SBNO2: variants seen among roughly 807,000 people sequenced by gnomAD.
SBNO2 encodes protein strawberry notch homolog 2.
SBNO2 carries 89 observed loss-of-function variants against 146.3 expected under a neutral mutation model. The observed-to-expected ratio is 0.61, with a 90% confidence interval of 0.51 to 0.73. The LOEUF is 0.73. Ranked by LOEUF, SBNO2 falls within the 30% of genes least tolerant of loss-of-function variation. The pLI is 0.00. For missense variants in SBNO2, 2,092 were observed against 2,003.7 expected (o/e 1.04, Z -0.84); for synonymous variants, 1,147 against 892.6 (o/e 1.29, Z -5.08).
intron 4 of SBNO2, among the ~76,000 whole-genome samples, chr19:1,142,371 C>T (rs1198552203): frequency 6.6e-6 from 1 of 152,204 alleles, no homozygotes; most frequent in Non-Finnish European, 1.5e-5. Context: ...CCAGGCACTG[C>T]CCGGGTCCAC....
intron 1 of SBNO2, among the ~76,000 whole-genome samples, chr19:1,171,160 C>A (rs775171712): frequency 6.6e-6 from 1 of 151,832 alleles, no homozygotes; most frequent in Non-Finnish European, 1.5e-5. Flanking sequence ...AAAACACACG[C>A]GTATGAAACA....
At chr19:1,151,036 C>T (rs891874317) in intron 2 of SBNO2, among the ~76,000 whole-genome samples, 13 of 152,232 alleles carry the variant, frequency 8.5e-5, no homozygotes, top group South Asian at 2.1e-4. Flanking sequence ...TGCAGGAAGC[C>T]GGGCCACCAG....
chr19:1,108,275 C>A lies in SBNO2; in HGVS notation c.4046G>T (p.Arg1349Leu). The stretch of plus-strand genomic sequence containing the variant: ...TGGGCTGAACTGGATCACGCTCTGC[C>A]GCTCGGGACCACCGCCCGCCGCGCC... ...AGGAAGGGPE[R>L]QSVIQFSPPF... is the part of the protein sequence containing the mutation. Residue 1349 changes from arginine to leucine, a missense_variant, in exon 32 of 32, where the codon CGG becomes CTG. By Grantham distance (102) the Arg-to-Leu change is moderately radical. Transcript: ENST00000361757. The A allele has an allele frequency of 6.6e-7, 1 of 1,513,222 alleles. No individual in the cohort carries two copies. The allele number at this position is 1,513,222 out of a possible 1,614,324, so 93.7% of individuals were successfully genotyped here. A position where few individuals can be genotyped will look rare whatever the true frequency, so the allele number is the denominator to read the frequency against.
At chr19:1,146,217 C>A (rs2080188260) in intron 4 of SBNO2, among the ~76,000 whole-genome samples, 1 of 152,200 alleles carries the variant, frequency 6.6e-6, no homozygotes, top group South Asian at 2.1e-4. Flanking sequence ...GGTCCCCTCA[C>A]AGACTCTACT....
In SBNO2 at chr19:1,144,671, G is replaced by A. The variant is rs764386404; in HGVS notation, c.279+2638C>T. Among the ~76,000 whole-genome samples the A allele has an allele frequency of 6.6e-6, 1 of 151,738 alleles. No individual in the cohort carries two copies. Among genetic ancestry groups the A allele is most frequent in the Non-Finnish European group, 1.5e-5 (1 of 67,946 alleles). On this transcript the variant is annotated intron_variant, in intron 4 of 31. Transcript: ENST00000361757. The surrounding 1 kb of genome is among the most constrained non-coding windows in gnomAD (Gnocchi z 4.1). ...AGAGACAGAGGCAGAGAGGGAAACA[G>A]ACGAAGACAGAGAGGGCGACAGAGA...
intron 1 of SBNO2, among the ~76,000 whole-genome samples, chr19:1,172,198 T>C (rs1455945866): frequency 6.6e-6 from 1 of 152,180 alleles, no homozygotes; most frequent in African/African-American, 2.4e-5. Context: ...TTCCAAGTCC[T>C]TCCCTCTCCA....
At chr19:1,166,581 C>G (rs1220576874) in intron 1 of SBNO2, among the ~76,000 whole-genome samples, 1 of 151,178 alleles carries the variant, frequency 6.6e-6, no homozygotes, top group African/African-American at 2.4e-5. Context: ...AGGTGGAGAC[C>G]AGCCTGGGCA....
At chr19:1,147,741 T>C (rs1453769512) in intron 3 of SBNO2, among the ~76,000 whole-genome samples, 1 of 152,006 alleles carries the variant, frequency 6.6e-6, no homozygotes, top group Non-Finnish European at 1.5e-5. Flanking sequence ...TAAGGGTTCA[T>C]TCTGGCGATT....
At position 1,172,913 on chromosome 19, in the gene SBNO2, G is replaced by C. The variant is rs572009261; in HGVS notation, c.-127+1259C>G. On this transcript the variant is annotated intron_variant, in intron 1 of 31. Coordinates refer to ENST00000361757, the MANE Select transcript of SBNO2 (RefSeq NM_014963.3). ...CGTCCCAGCAGTCACAGGCAGGAAG[G>C]ACGTTCTGAGCAGGCGGGAACAACA... Among the ~76,000 whole-genome samples, 7 of 152,002 alleles carry C rather than the reference G, an allele frequency of 4.6e-5. No individual in the cohort carries two copies. In the East Asian group the frequency reaches 1.2e-3, roughly 25 times the overall value.
rs2079797399 is a variant in SBNO2 at position 1,113,780 on chromosome 19, T to C, written c.2078-76A>G. The C allele has an allele frequency of 1.1e-5, 15 of 1,390,540 alleles. No individual in the cohort carries two copies. The African/African-American group carries it at 1.5e-4, about 14-fold the overall frequency. 86.1% of individuals were successfully genotyped at this position (1,390,540 alleles called of 1,614,324 possible). Reference sequence around the variant, plus strand: ...GCCCACCTAACTCAAGGCTGGCCCCTGGAGGGCAAGGACAAGGGGCCCGGG... The same window carrying C: ...GCCCACCTAACTCAAGGCTGGCCCCCGGAGGGCAAGGACAAGGGGCCCGGG... On this transcript the variant is annotated intron_variant, in intron 18 of 31. Transcript: ENST00000361757.
In SBNO2 at chr19:1,114,293, T is replaced by C; in HGVS notation, c.2015A>G (p.Glu672Gly). The change falls in exon 18 of 32, where the codon GAG becomes GGG. Residue 672 changes from glutamate to glycine, a missense_variant. Physicochemically the swap from Glu to Gly is moderately conservative, Grantham distance 98. Transcript: ENST00000361757. ...GACAACGTCGTCATCCACCAGGGAC[T>C]CGGGGGAGGAGTTGAAGTCGCTGTC... Reference protein sequence around the residue: ...GLDSDFNSSPESLVDDDVVIV... With the variant: ...GLDSDFNSSPGSLVDDDVVIV... 6.4e-7 allele frequency: 1 copy of C among 1,553,156 alleles called. No individual in the cohort carries two copies. The highest frequency in any genetic ancestry group is 8.7e-7 in the Non-Finnish European group (1 of 1,148,378).
At chr19:1,117,033 G>A in intron 15 of SBNO2, 107 bp from the exon 16 acceptor site, 1 of 1,097,878 alleles carries the variant, frequency 9.1e-7, no homozygotes, top group Admixed American at 2.2e-5. Context: ...CTCTGCTGCT[G>A]TGCTCGCCTC....
intron 11 of SBNO2, 42 bp downstream of exon 11, chr19:1,122,097 C>T (rs1248176432): frequency 5.1e-6 from 7 of 1,370,768 alleles, no homozygotes; most frequent in Non-Finnish European, 6.6e-6. Context: ...CCTCCGACCC[C>T]CTAATCCAGC....
At chr19:1,174,073 G>A (rs1190030926) in intron 1 of SBNO2, 99 bp downstream of exon 1, 4 of 149,582 alleles carry the variant, frequency 2.7e-5, no homozygotes, top group South Asian at 2.2e-4. Context: ...CCCCAGCCCC[G>A]GGCGCAGGGG....
chr19:1,125,755 G>A (rs2079958297), intron 5 of SBNO2, among the ~76,000 whole-genome samples: 1 of 152,120 alleles, frequency 6.6e-6, no homozygotes, highest in Non-Finnish European at 1.5e-5. Flanking sequence ...GTGGGAGGCA[G>A]AGGCAGAACG....
rs2080501897 is a variant in SBNO2, at chr19:1,173,586, G to A, written c.-127+586C>T. On this transcript the variant is annotated intron_variant, in intron 1 of 31. Coordinates refer to ENST00000361757, the MANE Select transcript of SBNO2 (RefSeq NM_014963.3). The surrounding 1 kb of genome is among the most constrained non-coding windows in gnomAD (Gnocchi z 4.7). ...GGGTCCTGGGACCGGGGACAAGGAGGAGGAAGGGGCACGAACGCCCGAGGA... is the reference window on the plus strand; with the variant it reads ...GGGTCCTGGGACCGGGGACAAGGAGAAGGAAGGGGCACGAACGCCCGAGGA... 1 of 152,556 alleles carries A rather than the reference G, an allele frequency of 6.6e-6. No homozygotes were observed. Among genetic ancestry groups the A allele is most frequent in the Admixed American group, 6.5e-5 (1 of 15,286 alleles). 9.5% of individuals were successfully genotyped at this position (152,556 alleles called of 1,614,324 possible). A position where few individuals can be genotyped will look rare whatever the true frequency, so the allele number is the denominator to read the frequency against.
At chr19:1,131,767 C>G (rs1451059234) in intron 4 of SBNO2, among the ~76,000 whole-genome samples, 1 of 152,232 alleles carries the variant, frequency 6.6e-6, no homozygotes, top group African/African-American at 2.4e-5. Flanking sequence ...TCCCGACAGC[C>G]ACTGCCACTG....
chr19:1,172,301 A>G (rs1396046338), intron 1 of SBNO2, among the ~76,000 whole-genome samples: 3 of 152,098 alleles, frequency 2.0e-5, no homozygotes. Context: ...CCACCCACCA[A>G]GGGGTCCAGA....
rs1489079771 is a variant in SBNO2 at position 1,108,322 on chromosome 19, C to T, written c.3999G>A (p.Leu1333=). Residue 1333 remains leucine, a synonymous_variant, in exon 32 of 32, where the codon CTG becomes CTA. Coordinates refer to ENST00000361757, the MANE Select transcript of SBNO2 (RefSeq NM_014963.3). ...CGCCCCCCGCCCCCGCGCCCTCCCC[C>T]AGCGCGCCCTCGGAGGGCGGCCCCG... is the stretch of plus-strand genomic sequence containing the variant. ...LHAGPPSEGA[L]GEGAGAGGAA... is the part of the protein sequence containing the mutation. The T allele has an allele frequency of 8.5e-6, 12 of 1,408,520 alleles. No individual in the cohort carries two copies. Among genetic ancestry groups the T allele is most frequent in the Non-Finnish European group, 1.1e-5 (12 of 1,078,588 alleles). 87.3% of individuals were successfully genotyped at this position (1,408,520 alleles called of 1,614,324 possible). A position where few individuals can be genotyped will look rare whatever the true frequency, so the allele number is the denominator to read the frequency against.
Sources: gnomAD v4.1 joint callset for allele counts (sites outside exome capture counted in the v4.1 genomes callset) on GRCh38, gnomAD v4.1.1 for gene constraint, Gnocchi (gnomAD v3.1) non-coding constraint, MANE v1.5 for transcripts, NCBI Gene and HGNC (gene_info 2026-07-23, HGNC 2026-07-21) for gene names.